MFAP1: variants seen among roughly 807,000 people sequenced by gnomAD.
MFAP1 encodes microfibrillar-associated protein 1.
MFAP1 carries 18 observed loss-of-function variants against 62.2 expected under a neutral mutation model. The ratio of observed to expected loss-of-function variants is 0.29; its 90% CI spans 0.20 to 0.43. The LOEUF is 0.43. Among genes scored for constraint, MFAP1 ranks in the 20% least tolerant of loss-of-function variants. The probability of loss-of-function intolerance (pLI) is 1.00; values close to 1 mark genes in which losing one functional copy is unlikely to be tolerated. For synonymous variants in MFAP1, 175 were observed against 180.4 expected, an observed-to-expected ratio of 0.97 and a Z score of 0.24; for missense variants, 355 against 559.7, an observed-to-expected ratio of 0.63 and a Z score of 3.69.
At chr15:43,808,715 G>C (rs2087380694) in intron 7 of MFAP1, among the ~76,000 whole-genome samples, 2 of 152,222 alleles carry the variant, frequency 1.3e-5, no homozygotes, top group African/African-American at 4.8e-5. Flanking sequence ...ACCTGAAACT[G>C]ATTTTGGAGG....
intron 4 of MFAP1, 94 bp downstream of exon 4, chr15:43,814,407 G>T: frequency 1.4e-6 from 2 of 1,405,422 alleles, no homozygotes; most frequent in African/African-American, 1.4e-5. Context: ...TCAGCGTTTA[G>T]ATTTCAGAAT....
In MFAP1 at chr15:43,805,028, C is replaced by A; in HGVS notation, c.*66G>T. 2 of 1,483,886 alleles carry A rather than the reference C, an allele frequency of 1.3e-6. No individual in the cohort carries two copies. Among genetic ancestry groups the A allele is most frequent in the South Asian group, 2.8e-5 (2 of 72,132 alleles). The allele number at this position is 1,483,886 out of a possible 1,614,324, so 91.9% of individuals were successfully genotyped here. The stretch of plus-strand genomic sequence containing the variant: ...GGGGCCAAGGAAACAATGAAAAAAC[C>A]AAATCAAGGACCAGATGCTGAGACT... On this transcript the variant is annotated 3_prime_UTR_variant, in exon 9 of 9. Coordinates refer to ENST00000267812, the MANE Select transcript of MFAP1 (RefSeq NM_005926.3).
Position 43,824,507 on chromosome 15 carries a change from T to C in MFAP1, c.63A>G (p.Pro21=), listed in dbSNP as rs370141324. The change falls in exon 1 of 9, where the codon CCA becomes CCG. Residue 21 remains proline (P), a synonymous_variant. Coordinates refer to ENST00000267812, the MANE Select transcript of MFAP1 (RefSeq NM_005926.3). ...GCACCGTACCTTTCTCATTGCGAACTGGGACGGCCCCAGCCGTAGACTGAA... is the reference window on the plus strand; with the variant it reads ...GCACCGTACCTTTCTCATTGCGAACCGGGACGGCCCCAGCCGTAGACTGAA... ...PPIQSTAGAV[P]VRNEKGEISM... 137 of 1,614,020 alleles carry C rather than the reference T, an allele frequency of 8.5e-5. No homozygotes were observed. The highest frequency in any genetic ancestry group is 1.6e-4 in the Middle Eastern group (1 of 6,084).
At chr15:43,809,945 C>T (rs1246207920) in intron 6 of MFAP1, 31 bp from the exon 7 acceptor site, 2 of 1,611,244 alleles carry the variant, frequency 1.2e-6, no homozygotes, top group Non-Finnish European at 1.7e-6. Context: ...TTTATTGGTA[C>T]TGTTACAGCT....
At chr15:43,814,851 A>G in intron 3 of MFAP1, 94 bp downstream of exon 3, 1 of 1,545,854 alleles carries the variant, frequency 6.5e-7, no homozygotes, top group Non-Finnish European at 8.8e-7. Flanking sequence ...CTGCCAAAGC[A>G]GTGATCTCAT....
At chr15:43,822,200 CAAA>C (rs779775224) in intron 1 of MFAP1, among the ~76,000 whole-genome samples, 6 of 65,942 alleles carry the variant, frequency 9.1e-5, no homozygotes, top group African/African-American at 1.4e-4. Context: ...AACTCTTTCT[CAAA>C]AAAAAAAAAA....
At chr15:43,811,204 C>T (rs1232102729) in intron 6 of MFAP1, among the ~76,000 whole-genome samples, 1 of 150,774 alleles carries the variant, frequency 6.6e-6, no homozygotes, top group African/African-American at 2.4e-5. Flanking sequence ...CACCTGAAGT[C>T]AGGAGTTCAA....
intron 7 of MFAP1, among the ~76,000 whole-genome samples, chr15:43,807,180 G>A (rs1305577901): frequency 5.3e-5 from 8 of 151,422 alleles, no homozygotes; most frequent in African/African-American, 1.5e-4. Flanking sequence ...GAGAAACCCC[G>A]TCTCTACTAA....
chr15:43,813,143 A>G lies in MFAP1; in HGVS notation c.731T>C (p.Val244Ala). 6.2e-7 allele frequency: 1 copy of G among 1,614,058 alleles called. No individual in the cohort carries two copies. The highest frequency in any genetic ancestry group is 8.5e-7 in the Non-Finnish European group (1 of 1,180,008). The change falls in exon 6 of 9, where the codon GTC becomes GCC. Residue 244 changes from valine (V) to alanine (A), a missense_variant. Coordinates refer to ENST00000267812, the MANE Select transcript of MFAP1 (RefSeq NM_005926.3). Reference protein sequence around the residue: ...EERRKYTLKIVEEETKKELEE... With the variant: ...EERRKYTLKIAEEETKKELEE... ...CAGCTCTTTTTTGGTTTCCTCTTCG[A>G]CAATCTGGATAGGGAGAACAATTCA...
Position 43,804,740 on chromosome 15 carries a change from T to C in MFAP1, c.*354A>G, listed in dbSNP as rs1306750199. The C allele has an allele frequency of 1.1e-5, 2 of 187,834 alleles. No individual in the cohort carries two copies. Among genetic ancestry groups the C allele is most frequent in the East Asian group, 2.6e-4 (2 of 7,652 alleles). The allele number at this position is 187,834 out of a possible 1,614,324, so 11.6% of individuals were successfully genotyped here. On this transcript the variant is annotated 3_prime_UTR_variant, in exon 9 of 9. Coordinates refer to ENST00000267812, the MANE Select transcript of MFAP1 (RefSeq NM_005926.3). ...TAAACCTAAGGTAGAAGTAATGCATTGTTCACTTACATGTCCACTTTTCTA... is the reference window on the plus strand; with the variant it reads ...TAAACCTAAGGTAGAAGTAATGCATCGTTCACTTACATGTCCACTTTTCTA...
chr15:43,816,687 G>C (rs1596057934), intron 2 of MFAP1, among the ~76,000 whole-genome samples: 1 of 152,142 alleles, frequency 6.6e-6, no homozygotes, highest in East Asian at 1.9e-4. Flanking sequence ...GGACAATTAT[G>C]AACGGTGAAA....
chr15:43,823,381 C>CTTT (rs200413511), intron 1 of MFAP1, among the ~76,000 whole-genome samples: 1 of 142,020 alleles, frequency 7.0e-6, no homozygotes, highest in Non-Finnish European at 1.5e-5. Context: ...GCAGAACTTT[C>CTTT]TTTTTTTTTT....
chr15:43,817,318 T>C lies in MFAP1; in HGVS notation c.210A>G (p.Glu70=). The change falls in exon 2 of 9, where the codon GAA becomes GAG. Residue 70 remains glutamate, a synonymous_variant. Coordinates refer to ENST00000267812, the MANE Select transcript of MFAP1 (RefSeq NM_005926.3). ...FQFIKKAKEQ[E]AEPEEQEEDS... ...CCTCCTCCTGTTCCTCAGGCTCTGC[T>C]TCTTGTTCTTTGGCTTTCTTAATGA... 2.5e-6 allele frequency: 4 copies of C among 1,614,148 alleles called. No homozygotes were observed. Among genetic ancestry groups the C allele is most frequent in the Non-Finnish European group, 3.4e-6 (4 of 1,180,038 alleles).
At chr15:43,813,495 A>T in intron 4 of MFAP1, 138 bp from the exon 5 acceptor site, 17 of 574,088 alleles carry the variant, frequency 3.0e-5, no homozygotes, top group Non-Finnish European at 4.6e-5. Flanking sequence ...AAAAACGCTG[A>T]GTCATCCCAG....
In MFAP1 at chr15:43,805,122, G is replaced by A; in HGVS notation, c.1292C>T (p.Pro431Leu). The A allele has an allele frequency of 6.3e-7, 1 of 1,589,606 alleles. No individual in the cohort carries two copies. Among genetic ancestry groups the A allele is most frequent in the Non-Finnish European group, 8.6e-7 (1 of 1,160,070 alleles). The change falls in exon 9 of 9, where the codon CCA becomes CTA. Residue 431 changes from proline (P) to leucine (L), a missense_variant. This residue lies in a region of MFAP1 where 44 missense variants were observed against 80.8 expected (regional missense o/e 0.54). Coordinates refer to ENST00000267812, the MANE Select transcript of MFAP1 (RefSeq NM_005926.3). ...AAGVRDVFER[P>L]SAKKRKTT Reference sequence around the variant, plus strand: ...GGTAGTTTTCCGCTTCTTGGCAGATGGCCGCTCAAATACATCTCGTACCCC... The same window carrying A: ...GGTAGTTTTCCGCTTCTTGGCAGATAGCCGCTCAAATACATCTCGTACCCC...
chr15:43,818,531 A>AAC (rs2087449025), intron 1 of MFAP1, among the ~76,000 whole-genome samples: 1 of 151,790 alleles, frequency 6.6e-6, no homozygotes, highest in Non-Finnish European at 1.5e-5. Context: ...ACAAAAAAAA[A>AAC]AAACCCCTAG....
chr15:43,820,033 A>G (rs2087458017), intron 1 of MFAP1, among the ~76,000 whole-genome samples: 1 of 152,224 alleles, frequency 6.6e-6, no homozygotes, highest in Non-Finnish European at 1.5e-5. Context: ...CTGTAGTCCC[A>G]GCTACTTGGG....
At chr15:43,811,415 CAAAA>C (rs573152892) in intron 6 of MFAP1, among the ~76,000 whole-genome samples, 1 of 73,768 alleles carries the variant, frequency 1.4e-5, no homozygotes, top group Non-Finnish European at 3.0e-5. Flanking sequence ...GACTGTGTCT[CAAAA>C]AAAAAAAAAA....
intron 1 of MFAP1, among the ~76,000 whole-genome samples, chr15:43,822,963 C>T (rs953696269): frequency 1.3e-5 from 2 of 151,748 alleles, no homozygotes; most frequent in Non-Finnish European, 2.9e-5. Flanking sequence ...CTCAGCCTAC[C>T]GAGTAGCTGG....
Sources: allele counts gnomAD v4.1 joint callset (sites outside exome capture counted in the v4.1 genomes callset), GRCh38; gene constraint gnomAD v4.1.1; regional missense constraint gnomAD v4.1.1; transcripts MANE v1.5; gene names NCBI Gene and HGNC (gene_info 2026-07-23, HGNC 2026-07-21).